Variants in RAI14 observed in about 807,000 individuals in gnomAD.
RAI14 encodes ankycorbin.
Under a neutral mutation model 115.4 loss-of-function variants are expected in RAI14, and 45 were observed. The ratio of observed to expected loss-of-function variants is 0.39; its 90% CI spans 0.31 to 0.50. The LOEUF is 0.50. Ranked by LOEUF, RAI14 falls within the 20% of genes least tolerant of loss-of-function variation. The pLI is 0.85. For synonymous variants in RAI14, 371 were observed against 415.4 expected (o/e 0.89, Z 1.30); for missense variants, 939 against 1,131.2 (o/e 0.83, Z 2.44).
At chr5:34,696,297 C>T (rs1037165032) in intron 2 of RAI14, among the ~76,000 whole-genome samples, 1 of 152,114 alleles carries the variant, frequency 6.6e-6, no homozygotes. Flanking sequence ...GCCACCACGC[C>T]TGGCTCATTT....
chr5:34,715,171 C>T (rs1741843158), intron 2 of RAI14, among the ~76,000 whole-genome samples: 2 of 152,158 alleles, frequency 1.3e-5, no homozygotes, highest in East Asian at 3.9e-4. Flanking sequence ...TTATGGGCTT[C>T]ATTCACCAAG....
intron 2 of RAI14, chr5:34,687,805 C>T (rs1738039089): frequency 5.4e-6 from 8 of 1,488,924 alleles, no homozygotes; most frequent in Non-Finnish European, 7.3e-6. Context: ...ATTGCTTTGC[C>T]GTGAATTATA....
chr5:34,720,773 T>G (rs1359317842), intron 2 of RAI14, among the ~76,000 whole-genome samples: 1 of 152,120 alleles, frequency 6.6e-6, no homozygotes, highest in African/African-American at 2.4e-5. Context: ...CTGGGCTGTT[T>G]GGAGTATGTG....
chr5:34,739,091 G>A (rs1022943335), intron 2 of RAI14, among the ~76,000 whole-genome samples: 2 of 152,198 alleles, frequency 1.3e-5, no homozygotes, highest in African/African-American at 2.4e-5. Context: ...AGAAAAAGAA[G>A]CGCTATTCAA....
intron 3 of RAI14, among the ~76,000 whole-genome samples, chr5:34,769,052 G>A (rs1477944013): frequency 6.6e-6 from 1 of 151,606 alleles, no homozygotes; most frequent in Non-Finnish European, 1.5e-5. Context: ...CCATCTCAGT[G>A]TCCTCTCCCT....
intron 4 of RAI14, among the ~76,000 whole-genome samples, chr5:34,801,548 C>A (rs1247961574): frequency 6.6e-6 from 1 of 152,050 alleles, no homozygotes; most frequent in Non-Finnish European, 1.5e-5. Flanking sequence ...TCGAGACCAG[C>A]CTGGCCAACA....
chr5:34,737,228 G>C (rs1744979865), intron 2 of RAI14, among the ~76,000 whole-genome samples: 1 of 146,686 alleles, frequency 6.8e-6, no homozygotes, highest in South Asian at 2.2e-4. Flanking sequence ...ACAATTCAGA[G>C]GCCAGGTAAG....
intron 5 of RAI14, among the ~76,000 whole-genome samples, chr5:34,805,388 C>G (rs1181017724): frequency 6.6e-6 from 1 of 152,164 alleles, no homozygotes; most frequent in Non-Finnish European, 1.5e-5. Context: ...GCCCCCCACT[C>G]CTATACTCTC....
At chr5:34,788,749 C>T (rs533188986) in intron 3 of RAI14, among the ~76,000 whole-genome samples, 1 of 152,236 alleles carries the variant, frequency 6.6e-6, no homozygotes, top group Non-Finnish European at 1.5e-5. Context: ...ACGGGTGGAT[C>T]ACTTGAGGTC....
chr5:34,780,982 A>C (rs906389425), intron 3 of RAI14, among the ~76,000 whole-genome samples: 6 of 152,148 alleles, frequency 3.9e-5, no homozygotes, highest in Admixed American at 6.5e-5. Flanking sequence ...AATGTCCATA[A>C]ATGATAGACT....
chr5:34,754,423 A>G (rs1264249410), intron 2 of RAI14, among the ~76,000 whole-genome samples: 1 of 152,090 alleles, frequency 6.6e-6, no homozygotes, highest in Non-Finnish European at 1.5e-5. Flanking sequence ...ATTTTTAGAG[A>G]TGGCGTCTCA....
chr5:34,673,849 G>C (rs1392417585), intron 1 of RAI14, among the ~76,000 whole-genome samples: 2 of 152,174 alleles, frequency 1.3e-5, no homozygotes, highest in African/African-American at 4.8e-5. Flanking sequence ...CAGAGAGGAA[G>C]GTCTACCTCC....
chr5:34,735,926 G>A (rs758447765), intron 2 of RAI14, among the ~76,000 whole-genome samples: 1 of 152,230 alleles, frequency 6.6e-6, no homozygotes, highest in Non-Finnish European at 1.5e-5. Context: ...ACCTCACAGA[G>A]TGCAGAATAC....
At chr5:34,703,783 G>A (rs978432387) in intron 2 of RAI14, among the ~76,000 whole-genome samples, 3 of 152,118 alleles carry the variant, frequency 2.0e-5, no homozygotes, top group African/African-American at 4.8e-5. Context: ...TCTGCATTTC[G>A]GGGGCATCCA....
At chr5:34,776,421 G>T (rs1271157631) in intron 3 of RAI14, among the ~76,000 whole-genome samples, 1 of 152,156 alleles carries the variant, frequency 6.6e-6, no homozygotes, top group African/African-American at 2.4e-5. Flanking sequence ...GAGTATAATT[G>T]AGTTGTTGGT....
intron 2 of RAI14, among the ~76,000 whole-genome samples, chr5:34,732,839 A>G (rs539742135): frequency 6.6e-6 from 1 of 150,460 alleles, no homozygotes; most frequent in African/African-American, 2.4e-5. Context: ...TTTTTCTCTA[A>G]TAGGATTACT....
At chr5:34,812,389 G>A (rs567657952) in intron 10 of RAI14, among the ~76,000 whole-genome samples, 181 bp downstream of exon 10, 49 of 152,318 alleles carry the variant, frequency 3.2e-4, no homozygotes, top group Non-Finnish European at 4.7e-4. Flanking sequence ...TTGCCAGGCC[G>A]GGCCGGTGGC....
chr5:34,797,102 A>G (rs950995630), intron 4 of RAI14, among the ~76,000 whole-genome samples: 1 of 152,180 alleles, frequency 6.6e-6, no homozygotes, highest in Non-Finnish European at 1.5e-5. Context: ...GCCACCCCAA[A>G]AGACCAAAGC....
chr5:34,707,113 A>T (rs947126531), intron 2 of RAI14, among the ~76,000 whole-genome samples: 1 of 152,190 alleles, frequency 6.6e-6, no homozygotes, highest in Non-Finnish European at 1.5e-5. Flanking sequence ...GGTTCTGCCA[A>T]TTACTTGTGT....
Sources: gnomAD v4.1 joint callset for allele counts (sites outside exome capture counted in the v4.1 genomes callset) on GRCh38, gnomAD v4.1.1 for gene constraint, MANE v1.5 for transcripts, NCBI Gene and HGNC (gene_info 2026-07-23, HGNC 2026-07-21) for gene names.